PPFIBP2: variants seen among roughly 807,000 people sequenced by gnomAD.
The protein encoded by PPFIBP2 is liprin-beta-2.
In PPFIBP2, 118 loss-of-function variants were observed where a neutral mutation model predicts 118.3. The ratio of observed to expected loss-of-function variants is 1.00; its 90% CI spans 0.86 to 1.16. The LOEUF (loss-of-function observed/expected upper bound fraction) is 1.16. PPFIBP2 is among the 50% of genes most tolerant of loss of function. The pLI is 0.00. For synonymous variants in PPFIBP2, 414 were observed against 397.4 expected (o/e 1.04, Z -0.50); for missense variants, 1,195 against 1,073.1 (o/e 1.11, Z -1.59).
intron 19 of PPFIBP2, 44 bp downstream of exon 19, chr11:7,648,955 C>A: frequency 6.5e-7 from 1 of 1,542,572 alleles, no homozygotes; most frequent in Non-Finnish European, 9.0e-7. Context: ...CTGGCAGCAA[C>A]TAAGAGTAGA....
chr11:7,551,577 G>C (rs1853002456), intron 2 of PPFIBP2, among the ~76,000 whole-genome samples: 1 of 152,108 alleles, frequency 6.6e-6, no homozygotes. Flanking sequence ...TGTTGTGTTG[G>C]CTACCTTTTG....
chr11:7,590,713 C>T (rs1859098130), intron 3 of PPFIBP2, among the ~76,000 whole-genome samples: 1 of 152,202 alleles, frequency 6.6e-6, no homozygotes, highest in South Asian at 2.1e-4. Flanking sequence ...CAGCACTGTG[C>T]CTGGACCATA....
intron 5 of PPFIBP2, chr11:7,598,026 G>C: frequency 4.8e-6 from 1 of 208,392 alleles, no homozygotes. Flanking sequence ...TCAATTCTCA[G>C]CTGATTCTAT....
chr11:7,554,495 C>A lies in PPFIBP2; in HGVS notation c.64+4956C>A, dbSNP rs543127723. 2.0e-5 allele frequency among the ~76,000 whole-genome samples: 3 copies of A among 152,268 alleles called. No individual in the cohort carries two copies. In the East Asian group the frequency reaches 5.8e-4, roughly 29 times the overall value. On this transcript the variant is annotated intron_variant, in intron 2 of 23. Coordinates refer to ENST00000299492, the MANE Select transcript of PPFIBP2 (RefSeq NM_003621.5). ...TTAAGCTTTTAGTGCAAAAAAAAGT[C>A]TGTCTCCTCCTGCATCAACTAAAAC...
chr11:7,517,512 G>T (rs1208355486), intron 1 of PPFIBP2, among the ~76,000 whole-genome samples: 1 of 151,866 alleles, frequency 6.6e-6, no homozygotes, highest in Non-Finnish European at 1.5e-5. Flanking sequence ...GAATGTGGAA[G>T]TGGAGAGTAG....
At chr11:7,665,843 G>A in the PPFIBP2 span, 1 of 1,535,752 alleles carries the variant, frequency 6.5e-7, no homozygotes, top group Non-Finnish European at 8.7e-7. Context: ...GTGTGAATCA[G>A]TACAGCCAGC....
At chr11:7,545,195 G>A (rs986519154) in intron 1 of PPFIBP2, among the ~76,000 whole-genome samples, 28 of 152,258 alleles carry the variant, frequency 1.8e-4, no homozygotes, top group African/African-American at 6.3e-4. Context: ...TTGGGAGGCC[G>A]AGGTGGGTAG....
At chr11:7,518,929 G>A (rs1465701893) in intron 1 of PPFIBP2, among the ~76,000 whole-genome samples, 2 of 152,208 alleles carry the variant, frequency 1.3e-5, no homozygotes, top group African/African-American at 4.8e-5. Context: ...GTTTGAAGGG[G>A]AAAGGGGGTT....
chr11:7,580,963 C>CGAA (rs1277659622), intron 3 of PPFIBP2, among the ~76,000 whole-genome samples: 2 of 152,184 alleles, frequency 1.3e-5, no homozygotes, highest in Non-Finnish European at 2.9e-5. Context: ...TATGACCCTT[C>CGAA]CCATACTCCA....
At chr11:7,540,444 T>C (rs1851663318) in intron 1 of PPFIBP2, among the ~76,000 whole-genome samples, 1 of 152,114 alleles carries the variant, frequency 6.6e-6, no homozygotes, top group Non-Finnish European at 1.5e-5. Flanking sequence ...CAGGTTTTTA[T>C]CTTGGTGACC....
chr11:7,562,461 C>T (rs1445805338), intron 2 of PPFIBP2, among the ~76,000 whole-genome samples: 3 of 152,168 alleles, frequency 2.0e-5, no homozygotes, highest in South Asian at 2.1e-4. Context: ...TATAACCTAG[C>T]CTTGGAAGTG....
intron 2 of PPFIBP2, among the ~76,000 whole-genome samples, chr11:7,555,464 T>C (rs1182676706): frequency 6.6e-6 from 1 of 152,198 alleles, no homozygotes; most frequent in Non-Finnish European, 1.5e-5. Context: ...TGAAGTCAGC[T>C]GTGGTGCTGA....
chr11:7,621,175 G>C (rs1269449129), intron 7 of PPFIBP2, 148 bp downstream of exon 7: 1 of 630,668 alleles, frequency 1.6e-6, no homozygotes, highest in Non-Finnish European at 2.8e-6. Context: ...AGATGGTGCA[G>C]TAGACAGACT....
intron 1 of PPFIBP2, among the ~76,000 whole-genome samples, chr11:7,514,453 T>G (rs1018713256): frequency 1.3e-5 from 2 of 152,188 alleles, no homozygotes; most frequent in African/African-American, 4.8e-5. Context: ...CCCTGAGTTC[T>G]GTGCGGCGCG....
chr11:7,555,124 T>C (rs1670753188), intron 2 of PPFIBP2, among the ~76,000 whole-genome samples: 1 of 152,120 alleles, frequency 6.6e-6, no homozygotes, highest in Admixed American at 6.5e-5. Context: ...TGCATGGAGC[T>C]TAATTTGTGA....
chr11:7,653,533 G>T lies in PPFIBP2; in HGVS notation c.*315G>T, dbSNP rs1282838024. The T allele has an allele frequency of 2.2e-6, 3 of 1,335,546 alleles. No homozygotes were observed. The highest frequency in any genetic ancestry group is 2.9e-6 in the Non-Finnish European group (3 of 1,019,808). The allele number at this position is 1,335,546 out of a possible 1,614,324, so 82.7% of individuals were successfully genotyped here. ...TGGAAACACATGAACTTCGATGCAG[G>T]TCCAGAGACCATGGACACTCCCACG... On this transcript the variant is annotated 3_prime_UTR_variant, in exon 24 of 24. Transcript: ENST00000299492.
At chr11:7,533,020 C>T (rs1430626532) in intron 1 of PPFIBP2, among the ~76,000 whole-genome samples, 2 of 133,910 alleles carry the variant, frequency 1.5e-5, no homozygotes, top group African/African-American at 5.9e-5. Context: ...AGAAAACTTA[C>T]CAATTCATAT....
At chr11:7,575,087 A>G (rs1376458695) in intron 3 of PPFIBP2, among the ~76,000 whole-genome samples, 1 of 152,078 alleles carries the variant, frequency 6.6e-6, no homozygotes, top group African/African-American at 2.4e-5. Context: ...TTTTGTGTCG[A>G]ACATCTTTAC....
At chr11:7,666,926 A>G in the PPFIBP2 span, 1 of 169,330 alleles carries the variant, frequency 5.9e-6, no homozygotes, top group Admixed American at 6.1e-5. Flanking sequence ...AGCTCAGTGC[A>G]GGCCCAGGAT....
Sources: allele counts gnomAD v4.1 joint callset (sites outside exome capture counted in the v4.1 genomes callset), GRCh38; gene constraint gnomAD v4.1.1; transcripts MANE v1.5; gene names NCBI Gene and HGNC (gene_info 2026-07-23, HGNC 2026-07-21).